Variants in RIIAD1 observed in about 807,000 individuals in gnomAD.
The protein encoded by RIIAD1 is regulatory subunit of type II PKA R-subunit domain containing 1, also known as RIIa domain-containing protein 1.
Under a neutral mutation model 13.3 loss-of-function variants are expected in RIIAD1, and 15 were observed. The observed-to-expected ratio is 1.13, with a 90% CI of 0.76 to 1.74. The LOEUF is 1.74. RIIAD1 is among the 40% of genes most tolerant of loss of function. The pLI, the probability that RIIAD1 is intolerant of heterozygous loss-of-function variation, is 0.00. For synonymous variants in RIIAD1, 50 were observed against 43.3 expected (o/e 1.16, Z -0.61); for missense variants, 121 against 112.2 (o/e 1.08, Z -0.35).
intron 1 of RIIAD1, 180 bp from the exon 2 acceptor site, chr1:151,721,906 C>T (rs1366638043): frequency 1.6e-6 from 1 of 612,258 alleles, no homozygotes; most frequent in Non-Finnish European, 2.9e-6. Context: ...GGCCCCTCAT[C>T]CTGAACAAGC....
rs1334284439 is a variant in RIIAD1, at chr1:151,721,638, C to T, written c.84+18C>T. ...AATTCAAGGTGGGTGCGCCCGCGCCCCCATCCAGCGTCCACCAAAGTGTAG... is the reference window on the plus strand; with the variant it reads ...AATTCAAGGTGGGTGCGCCCGCGCCTCCATCCAGCGTCCACCAAAGTGTAG... On this transcript the variant is annotated intron_variant, in intron 1 of 4. Transcript: ENST00000479191. The T allele has an allele frequency of 9.4e-6, 12 of 1,271,838 alleles. No individual in the cohort carries two copies. In the Admixed American group the frequency reaches 4.4e-4, roughly 47 times the overall value. 78.8% of individuals were successfully genotyped at this position (1,271,838 alleles called of 1,614,324 possible).
intron 2 of RIIAD1, among the ~76,000 whole-genome samples, chr1:151,726,060 T>C (rs1051209520): frequency 2.6e-5 from 4 of 152,210 alleles, no homozygotes; most frequent in African/African-American, 9.7e-5. Flanking sequence ...GAACACAAAC[T>C]GTTTCTCTTT....
At chr1:151,728,362 T>C (rs1381578405) in intron 3 of RIIAD1, 1 of 223,372 alleles carries the variant, frequency 4.5e-6, no homozygotes, top group African/African-American at 2.3e-5. Context: ...GAATAATACT[T>C]GGCATTTATT....
rs1040490820 is a variant in RIIAD1 at position 151,722,142 on chromosome 1, G to A, written c.141G>A (p.Trp47Ter). ...KYLRTHKEVE[W>*]LISGFFREIF... is the part of the protein sequence containing the mutation. Reference sequence around the variant, plus strand: ...TAAGGACCCACAAAGAAGTAGAGTGGCTCATAAGTGGTTTCTTCAGGTAGG... The same window carrying A: ...TAAGGACCCACAAAGAAGTAGAGTGACTCATAAGTGGTTTCTTCAGGTAGG... The change falls in exon 2 of 5, where the codon TGG becomes TGA. Residue 47 changes from tryptophan (W) to a stop codon, truncating the protein, a stop_gained. Coordinates refer to ENST00000479191, the MANE Select transcript of RIIAD1 (RefSeq NM_001144956.3). LOFTEE classifies it high-confidence loss of function. The A allele has an allele frequency of 7.7e-6, 12 of 1,550,850 alleles. No homozygotes were observed. Among genetic ancestry groups the A allele is most frequent in the African/African-American group, 1.4e-5 (1 of 73,000 alleles).
upstream of RIIAD1, chr1:151,716,855 G>C (rs78035560): frequency 0.011 from 5,054 of 448,568 alleles, 221 homozygotes; most frequent in African/African-American, 0.099. Flanking sequence ...CCTGACATCA[G>C]TGATGTCAGT....
chr1:151,717,588 T>C (rs1220491586), upstream of RIIAD1, among the ~76,000 whole-genome samples: 2 of 152,236 alleles, frequency 1.3e-5, no homozygotes, highest in African/African-American at 4.8e-5. Flanking sequence ...TAGCACCCTG[T>C]CTTGCTCATG....
At chr1:151,714,950 C>T (rs373708132) in intron 4 of RIIAD1, among the ~76,000 whole-genome samples, 11 of 151,746 alleles carry the variant, frequency 7.2e-5, no homozygotes, top group East Asian at 5.8e-4. Context: ...ACCATGTGAC[C>T]GCCAGACAAG....
At chr1:151,712,797 C>A (rs1217338830) in intron 2 of RIIAD1, among the ~76,000 whole-genome samples, 17 of 152,068 alleles carry the variant, frequency 1.1e-4, no homozygotes, top group Admixed American at 9.8e-4. Flanking sequence ...GGAGAGGGGG[C>A]TAAATGTCTG....
intron 2 of RIIAD1, among the ~76,000 whole-genome samples, chr1:151,722,978 A>C (rs1673764947): frequency 6.6e-6 from 1 of 152,252 alleles, no homozygotes; most frequent in Non-Finnish European, 1.5e-5. Context: ...TACCTTCCCA[A>C]AGTTGCTGAA....
At chr1:151,713,569 G>A (rs1673201712) in intron 3 of RIIAD1, 1 of 152,250 alleles carries the variant, frequency 6.6e-6, no homozygotes, top group Non-Finnish European at 1.5e-5. Context: ...GGGAAGGCAA[G>A]TTGGGACTGG....
intron 4 of RIIAD1, chr1:151,714,723 C>T (rs1246592668): frequency 7.7e-7 from 1 of 1,297,936 alleles, no homozygotes; most frequent in East Asian, 2.5e-5. Flanking sequence ...GTGAGTCCTC[C>T]ATCTCCCCTC....
At chr1:151,711,566 G>A (rs980783177) in intron 1 of RIIAD1, among the ~76,000 whole-genome samples, 3 of 151,910 alleles carry the variant, frequency 2.0e-5, no homozygotes, top group Non-Finnish European at 4.4e-5. Context: ...TTATCCCATC[G>A]GAGGCTCAAT....
At chr1:151,716,039 G>C in intron 4 of RIIAD1, 1 of 1,600,360 alleles carries the variant, frequency 6.2e-7, no homozygotes, top group Non-Finnish European at 8.5e-7. Flanking sequence ...CCCAGGAGGA[G>C]GGGCCGAGGG....
In RIIAD1 at chr1:151,728,891, G is replaced by C. The variant is rs1285320895; in HGVS notation, c.*55G>C. On this transcript the variant is annotated splice_region_variant and 3_prime_UTR_variant, in exon 4 of 5. Transcript: ENST00000479191. ...GAGAGACCAGACGGAATCCAGCCTC[G>C]GGGTGGGTGTTAACCTCACTTACAG... 2 of 998,620 alleles carry C rather than the reference G, an allele frequency of 2.0e-6. No individual in the cohort carries two copies. The highest frequency in any genetic ancestry group is 2.0e-5 in the Admixed American group (1 of 50,294). 61.9% of individuals were successfully genotyped at this position (998,620 alleles called of 1,614,324 possible). A position where few individuals can be genotyped will look rare whatever the true frequency, so the allele number is the denominator to read the frequency against.
intron 3 of RIIAD1, among the ~76,000 whole-genome samples, chr1:151,728,214 T>C (rs1452488550): frequency 6.6e-6 from 1 of 152,206 alleles, no homozygotes; most frequent in East Asian, 1.9e-4. Context: ...AGATGCTGCC[T>C]CTGATTCACA....
intron 4 of RIIAD1, chr1:151,715,682 C>T: frequency 6.5e-7 from 1 of 1,529,068 alleles, no homozygotes. Flanking sequence ...AAGAGGCCCT[C>T]CTTAGTCCTT....
chr1:151,725,312 A>G (rs1347329565), intron 2 of RIIAD1, among the ~76,000 whole-genome samples: 1 of 147,804 alleles, frequency 6.8e-6, no homozygotes, highest in Non-Finnish European at 1.5e-5. Flanking sequence ...GGGTTTCACT[A>G]TGTTGGCCAG....
exon 4 of RIIAD1, chr1:151,714,460 G>A (rs1158308636): frequency 9.6e-6 from 7 of 731,926 alleles, no homozygotes; most frequent in Admixed American, 2.0e-5. Context: ...AAAGATGGAT[G>A]CTACAGAGAG....
chr1:151,712,147 C>T (rs2101472322), intron 2 of RIIAD1: 1 of 152,436 alleles, frequency 6.6e-6, no homozygotes, highest in Non-Finnish European at 1.5e-5. Context: ...CTGAGTCCAG[C>T]TGTGCCCTGT....
Sources: allele counts gnomAD v4.1 joint callset (sites outside exome capture counted in the v4.1 genomes callset), GRCh38; gene constraint gnomAD v4.1.1; transcripts MANE v1.5; gene names NCBI Gene and HGNC (gene_info 2026-07-23, HGNC 2026-07-21).